Variants in PAPSS1 observed in about 807,000 individuals in gnomAD.
PAPSS1 encodes 3'-phosphoadenosine 5'-phosphosulfate synthase 1, also known as bifunctional 3'-phosphoadenosine 5'-phosphosulfate synthase 1.
A neutral mutation model predicts 72.0 loss-of-function variants in PAPSS1; 50 were observed. That is an observed-to-expected ratio of 0.69 (90% confidence interval 0.55 to 0.88). The LOEUF (loss-of-function observed/expected upper bound fraction) is 0.88. PAPSS1 is among the 40% of genes least tolerant of loss of function. The pLI is 0.00. For synonymous variants in PAPSS1, 261 were observed against 263.6 expected (o/e 0.99, Z 0.09); for missense variants, 657 against 782.2 (o/e 0.84, Z 1.91).
At chr4:107,678,122 C>A (rs1023216438) in intron 5 of PAPSS1, among the ~76,000 whole-genome samples, 1 of 151,324 alleles carries the variant, frequency 6.6e-6, no homozygotes, top group Non-Finnish European at 1.5e-5. Flanking sequence ...ACCAACATGG[C>A]ACATGTATAC....
At chr4:107,664,259 G>T (rs1727260401) in intron 5 of PAPSS1, among the ~76,000 whole-genome samples, 1 of 152,090 alleles carries the variant, frequency 6.6e-6, no homozygotes, top group Non-Finnish European at 1.5e-5. Context: ...TGTAAGGATG[G>T]GATATCTTTT....
intron 9 of PAPSS1, among the ~76,000 whole-genome samples, chr4:107,646,795 C>T (rs982864096): frequency 6.6e-6 from 1 of 152,158 alleles, no homozygotes; most frequent in African/African-American, 2.4e-5. Flanking sequence ...CAGAACTCTA[C>T]CCAAGCTCAG....
chr4:107,695,007 G>GT lies in PAPSS1; in HGVS notation c.176-1002dup, dbSNP rs549952486. Among the ~76,000 whole-genome samples, 49 of 151,864 alleles carry GT rather than the reference G, an allele frequency of 3.2e-4. 1 individual carries two copies. The South Asian group carries it at 1.0e-2, about 31-fold the overall frequency. The stretch of plus-strand genomic sequence containing the variant: ...TTGGTTCCATATGAAATTTAAAGTA[G>GT]TTTTTTTCTAATTCTGTAAGAATAT... On this transcript the variant is annotated intron_variant, in intron 2 of 11. Coordinates refer to ENST00000265174, the MANE Select transcript of PAPSS1 (RefSeq NM_005443.5).
intron 1 of PAPSS1, among the ~76,000 whole-genome samples, chr4:107,714,062 T>C (rs1723574042): frequency 6.6e-6 from 1 of 152,124 alleles, no homozygotes; most frequent in Non-Finnish European, 1.5e-5. Context: ...GGCCCTATCC[T>C]CGGGCACGTC....
At chr4:107,620,909 T>A (rs1446071286) in intron 11 of PAPSS1, among the ~76,000 whole-genome samples, 1 of 152,202 alleles carries the variant, frequency 6.6e-6, no homozygotes. Context: ...AAAACATCAC[T>A]ATATAAGACA....
chr4:107,655,811 A>G (rs1357545088), intron 7 of PAPSS1, among the ~76,000 whole-genome samples: 1 of 152,222 alleles, frequency 6.6e-6, no homozygotes, highest in Non-Finnish European at 1.5e-5. Flanking sequence ...ATCGTAAAGG[A>G]GGTAGTCCAC....
chr4:107,712,627 C>A (rs1723523614), intron 1 of PAPSS1, among the ~76,000 whole-genome samples: 1 of 152,160 alleles, frequency 6.6e-6, no homozygotes, highest in Non-Finnish European at 1.5e-5. Flanking sequence ...GTAATCCCAG[C>A]ACTTTGGGAG....
chr4:107,630,858 T>C (rs943955688), intron 11 of PAPSS1, among the ~76,000 whole-genome samples: 1 of 152,144 alleles, frequency 6.6e-6, no homozygotes, highest in African/African-American at 2.4e-5. Context: ...ACTTTAGAGA[T>C]TGTTGTGGAA....
intron 10 of PAPSS1, among the ~76,000 whole-genome samples, chr4:107,636,857 T>G (rs1726399392): frequency 6.6e-6 from 1 of 152,206 alleles, no homozygotes; most frequent in Non-Finnish European, 1.5e-5. Flanking sequence ...AGATTATTTG[T>G]TTCAAAATTT....
intron 5 of PAPSS1, among the ~76,000 whole-genome samples, chr4:107,672,720 T>A (rs1727520688): frequency 6.6e-6 from 1 of 152,168 alleles, no homozygotes; most frequent in Non-Finnish European, 1.5e-5. Flanking sequence ...AAGAGAGTAG[T>A]GGTTCTCCCA....
rs560559550 is a variant in PAPSS1, at chr4:107,638,597, C to T, written c.1506+6205G>A. On this transcript the variant is annotated intron_variant, in intron 10 of 11. Transcript: ENST00000265174. The stretch of plus-strand genomic sequence containing the variant: ...AGACAACAAGCCTGGAAATGCTCAG[C>T]CTCCACCTCCTCTTCCTGCCTCCCA... 3.6e-3 allele frequency among the ~76,000 whole-genome samples: 549 copies of T among 152,230 alleles called. 2 individuals are homozygous for T. Among genetic ancestry groups the T allele is most frequent in the African/African-American group, 0.013 (532 of 41,528 alleles).
intron 3 of PAPSS1, among the ~76,000 whole-genome samples, chr4:107,692,873 A>C (rs1218642342): frequency 6.6e-6 from 1 of 152,104 alleles, no homozygotes; most frequent in Non-Finnish European, 1.5e-5. Context: ...GGAAGCCACT[A>C]ACCTCAGCAA....
chr4:107,673,211 G>C (rs147089618), intron 5 of PAPSS1, among the ~76,000 whole-genome samples: 5,117 of 152,306 alleles, frequency 0.034, 273 homozygotes, highest in African/African-American at 0.12. Flanking sequence ...GCTGGACGGA[G>C]AATGACTTTG....
intron 3 of PAPSS1, among the ~76,000 whole-genome samples, chr4:107,688,937 T>TAC (rs1231130707): frequency 6.6e-6 from 1 of 152,172 alleles, no homozygotes; most frequent in Non-Finnish European, 1.5e-5. Flanking sequence ...AAGACCACAC[T>TAC]ACACACCCAC....
chr4:107,699,222 G>A (rs1056019181), intron 2 of PAPSS1, among the ~76,000 whole-genome samples: 9 of 151,838 alleles, frequency 5.9e-5, no homozygotes, highest in African/African-American at 2.2e-4. Context: ...CAGAGTTCAG[G>A]GGAATTGGTT....
intron 11 of PAPSS1, among the ~76,000 whole-genome samples, chr4:107,617,052 T>C (rs114073894): frequency 1.3e-5 from 2 of 152,232 alleles, no homozygotes; most frequent in East Asian, 3.9e-4. Flanking sequence ...TTGTGGGCTA[T>C]CCACTCACTA....
At chr4:107,614,804 T>C (rs1370247519) in intron 11 of PAPSS1, among the ~76,000 whole-genome samples, 6 of 152,210 alleles carry the variant, frequency 3.9e-5, no homozygotes, top group African/African-American at 1.2e-4. Context: ...ATTTCTCTTA[T>C]GCACTTAATA....
chr4:107,644,838 G>A lies in PAPSS1; in HGVS notation c.1470C>T (p.Ile490=). The A allele has an allele frequency of 1.2e-6, 2 of 1,613,566 alleles. No homozygotes were observed. Among genetic ancestry groups the A allele is most frequent in the Non-Finnish European group, 1.7e-6 (2 of 1,179,826 alleles). The change falls in exon 10 of 12, where the codon ATC becomes ATT. Residue 490 remains isoleucine (I), a synonymous_variant. Transcript: ENST00000265174. The stretch of plus-strand genomic sequence containing the variant: ...CAGCATACATCATGGGAGATGGGAA[G>A]ATGGCCACCACTGTCGTCTCAGGAT... ...VLNPETTVVA[I]FPSPMMYAGP...
At chr4:107,669,638 T>C (rs1251233203) in intron 5 of PAPSS1, among the ~76,000 whole-genome samples, 4 of 152,206 alleles carry the variant, frequency 2.6e-5, no homozygotes, top group Non-Finnish European at 5.9e-5. Context: ...CAGAGAAATA[T>C]GCGTGCTTTC....
Sources: gnomAD v4.1 joint callset for allele counts (sites outside exome capture counted in the v4.1 genomes callset) on GRCh38, gnomAD v4.1.1 for gene constraint, MANE v1.5 for transcripts, NCBI Gene and HGNC (gene_info 2026-07-23, HGNC 2026-07-21) for gene names.